The following SOX5 variants were observed in gnomAD, a reference collection of about 807,000 sequenced individuals.
SOX5 encodes the protein SRY-box transcription factor 5, also known as transcription factor SOX-5.
SOX5 carries 9 observed loss-of-function variants against 92.0 expected under a neutral mutation model. The ratio of observed to expected loss-of-function variants is 0.10; its 90% CI spans 0.06 to 0.17. The LOEUF is 0.17. Among genes scored for constraint, SOX5 ranks in the 10% least tolerant of loss-of-function variants. The pLI is 1.00. For synonymous variants in SOX5, 344 were observed against 336.3 expected (o/e 1.02, Z -0.25); for missense variants, 642 against 944.5 (o/e 0.68, Z 4.20).
chr12:23,830,679 C>T (rs1467735281), intron 3 of SOX5, among the ~76,000 whole-genome samples: 2 of 152,022 alleles, frequency 1.3e-5, no homozygotes, highest in South Asian at 2.1e-4. Flanking sequence ...TTCGAAGTGC[C>T]CCCTTTGCCC....
At chr12:24,356,321 A>G (rs1228163418) in intron 2 of SOX5, among the ~76,000 whole-genome samples, 1 of 152,190 alleles carries the variant, frequency 6.6e-6, no homozygotes, top group Non-Finnish European at 1.5e-5. Flanking sequence ...TAGTAAAGAG[A>G]TGAATATAGT....
chr12:24,147,447 T>G (rs1951200117), intron 4 of SOX5, among the ~76,000 whole-genome samples: 2 of 152,126 alleles, frequency 1.3e-5, no homozygotes, highest in Admixed American at 1.3e-4. Flanking sequence ...GAAGAACACC[T>G]ACAAAAAACT....
intron 4 of SOX5, among the ~76,000 whole-genome samples, chr12:24,089,294 C>T (rs1376071480): frequency 6.6e-6 from 1 of 152,034 alleles, no homozygotes; most frequent in Non-Finnish European, 1.5e-5. Flanking sequence ...TACTCCCTTC[C>T]CCCCAGTTTC....
At chr12:23,992,786 G>T (rs1196482777) in intron 4 of SOX5, among the ~76,000 whole-genome samples, 2 of 152,086 alleles carry the variant, frequency 1.3e-5, no homozygotes, top group Non-Finnish European at 2.9e-5. Context: ...TAATAGTAAT[G>T]AGCTTCCCAA....
At chr12:23,974,450 TA>T (rs974908248) in intron 4 of SOX5, among the ~76,000 whole-genome samples, 28 of 152,062 alleles carry the variant, frequency 1.8e-4, no homozygotes, top group Admixed American at 1.0e-3. Context: ...CATTCCAATG[TA>T]AAAGAGAAAA....
At chr12:24,426,345 G>A (rs1268742519) in intron 1 of SOX5, among the ~76,000 whole-genome samples, 1 of 152,170 alleles carries the variant, frequency 6.6e-6, no homozygotes, top group Non-Finnish European at 1.5e-5. Context: ...AGCATTAGGA[G>A]AAATACCTAA....
Position 24,387,244 on chromosome 12 carries a change from A to G in SOX5, c.-250-18605T>C, listed in dbSNP as rs539708865. Among the ~76,000 whole-genome samples, 256 of 152,290 alleles carry G rather than the reference A, an allele frequency of 1.7e-3. 1 individual carries two copies. Among genetic ancestry groups the G allele is most frequent in the Middle Eastern group, 0.01 (3 of 294 alleles). ...TTGAGTAACTTTCCATCCTCCTCAC[A>G]TATCAGTTTCATCCTATCCCTGTAG... On this transcript the variant is annotated intron_variant, in intron 1 of 4. Transcript: ENST00000446891.
intron 4 of SOX5, among the ~76,000 whole-genome samples, chr12:24,034,078 T>C (rs769308099): frequency 6.6e-6 from 1 of 152,032 alleles, no homozygotes; most frequent in Non-Finnish European, 1.5e-5. Flanking sequence ...GAAACATAAC[T>C]GTTTTGATAA....
At chr12:24,121,988 C>T (rs1487645048) in intron 4 of SOX5, among the ~76,000 whole-genome samples, 1 of 148,366 alleles carries the variant, frequency 6.7e-6, no homozygotes, top group African/African-American at 2.5e-5. Context: ...AAAAATTCAT[C>T]TTGTTCATGC....
chr12:23,651,799 G>GC (rs2081599487), intron 7 of SOX5, among the ~76,000 whole-genome samples: 1 of 151,666 alleles, frequency 6.6e-6, no homozygotes, highest in Non-Finnish European at 1.5e-5. Flanking sequence ...AAAAAAATGA[G>GC]CCCCAAAGTA....
At chr12:24,237,911 G>A (rs1265323482) in intron 3 of SOX5, 1 of 152,098 alleles carries the variant, frequency 6.6e-6, no homozygotes, top group Non-Finnish European at 1.5e-5. Context: ...TCCATCTCCA[G>A]GAATCCCTGG....
chr12:23,978,575 A>G (rs1949173339), intron 4 of SOX5, among the ~76,000 whole-genome samples: 1 of 152,198 alleles, frequency 6.6e-6, no homozygotes, highest in African/African-American at 2.4e-5. Flanking sequence ...TACATGGTAG[A>G]AATAATGTGA....
intron 2 of SOX5, among the ~76,000 whole-genome samples, chr12:23,890,561 A>C (rs1000456442): frequency 1.3e-5 from 2 of 152,124 alleles, no homozygotes; most frequent in Non-Finnish European, 2.9e-5. Flanking sequence ...CAAAACGGTC[A>C]CCAAAACGGT....
At chr12:23,874,561 T>C (rs577949356) in intron 2 of SOX5, among the ~76,000 whole-genome samples, 44 of 152,306 alleles carry the variant, frequency 2.9e-4, no homozygotes, top group African/African-American at 1.1e-3. Context: ...TGTCATGTAA[T>C]AGAGACATCG....
intron 4 of SOX5, among the ~76,000 whole-genome samples, chr12:24,049,826 C>T (rs1488486349): frequency 6.6e-6 from 1 of 151,548 alleles, no homozygotes; most frequent in Non-Finnish European, 1.5e-5. Flanking sequence ...AAATTAAACA[C>T]CATTGCTGCA....
chr12:23,694,981 A>G (rs917199169), intron 6 of SOX5, among the ~76,000 whole-genome samples: 3 of 152,036 alleles, frequency 2.0e-5, no homozygotes, highest in Non-Finnish European at 4.4e-5. Context: ...TTAGCTGGGC[A>G]TGGTGGTGCA....
At chr12:24,551,150 C>T (rs556050022) in intron 1 of SOX5, among the ~76,000 whole-genome samples, 1 of 152,304 alleles carries the variant, frequency 6.6e-6, no homozygotes, top group East Asian at 1.9e-4. Flanking sequence ...TGAATGAGGG[C>T]AACTCTCTTT....
chr12:23,677,029 T>A (rs971817513), intron 6 of SOX5, among the ~76,000 whole-genome samples: 1 of 152,238 alleles, frequency 6.6e-6, no homozygotes, highest in African/African-American at 2.4e-5. Context: ...AAAAGTCTTA[T>A]GTTTTAGCTT....
At chr12:24,441,433 A>T (rs1940564468) in intron 1 of SOX5, among the ~76,000 whole-genome samples, 1 of 152,202 alleles carries the variant, frequency 6.6e-6, no homozygotes, top group African/African-American at 2.4e-5. Context: ...TTATTACACC[A>T]ACTGTCCTTT....
Sources: allele counts gnomAD v4.1 joint callset (sites outside exome capture counted in the v4.1 genomes callset), GRCh38; gene constraint gnomAD v4.1.1; transcripts MANE v1.5; gene names NCBI Gene and HGNC (gene_info 2026-07-23, HGNC 2026-07-21).